The following SAMMSON variants were observed in gnomAD, a reference collection of about 807,000 sequenced individuals.
SAMMSON encodes long intergenic non-protein coding RNA 1212.
intron 4 of SAMMSON, among the ~76,000 whole-genome samples, chr3:70,138,005 C>A (rs986968075): frequency 2.6e-5 from 4 of 152,014 alleles, no homozygotes; most frequent in African/African-American, 9.7e-5. Flanking sequence ...GCATTGGTAT[C>A]CTTATAAATA....
chr3:70,151,752 C>CT (rs1413068249), intron 4 of SAMMSON, among the ~76,000 whole-genome samples: 32 of 151,454 alleles, frequency 2.1e-4, no homozygotes, highest in East Asian at 5.8e-4. Flanking sequence ...GGTTGTTTTT[C>CT]TTTTTTTTGC....
intron 2 of SAMMSON, among the ~76,000 whole-genome samples, chr3:70,403,747 T>C (rs1398468585): frequency 6.6e-6 from 1 of 152,194 alleles, no homozygotes; most frequent in Non-Finnish European, 1.5e-5. Context: ...AATAGGATAC[T>C]AAATGTCCTC....
rs561670767 is a variant in SAMMSON, at chr3:70,313,974, C to T, written n.739+22731C>T. On this transcript the variant is annotated intron_variant and non_coding_transcript_variant, in intron 7 of 9. Coordinates refer to ENST00000642114, the Ensembl canonical transcript of SAMMSON. Reference sequence around the variant, plus strand: ...CCAACCTAATTGCATTGTGGCTGTTCCTTGGAGGGACTTGCTTCTGTTATC... The same window carrying T: ...CCAACCTAATTGCATTGTGGCTGTTTCTTGGAGGGACTTGCTTCTGTTATC... Among the ~76,000 whole-genome samples the T allele has an allele frequency of 4.6e-5, 7 of 152,196 alleles. No individual in the cohort carries two copies. In the South Asian group the frequency reaches 1.5e-3, roughly 32 times the overall value.
At chr3:70,293,870 C>G (rs1702265064) in intron 7 of SAMMSON, among the ~76,000 whole-genome samples, 1 of 151,828 alleles carries the variant, frequency 6.6e-6, no homozygotes, top group Admixed American at 6.6e-5. Flanking sequence ...GTTTCATCAC[C>G]TTGTTTATTT....
chr3:70,322,298 A>G (rs1702543697), intron 7 of SAMMSON, among the ~76,000 whole-genome samples: 1 of 152,134 alleles, frequency 6.6e-6, no homozygotes, highest in African/African-American at 2.4e-5. Flanking sequence ...ACAATATGTC[A>G]GTTAAATTTA....
chr3:70,337,081 A>G (rs937396943), intron 7 of SAMMSON, among the ~76,000 whole-genome samples: 11 of 94,532 alleles, frequency 1.2e-4, no homozygotes, highest in African/African-American at 3.5e-4. Flanking sequence ...CTAACTTAAT[A>G]TTCTTATTAA....
intron 4 of SAMMSON, among the ~76,000 whole-genome samples, chr3:70,198,415 C>A (rs1701202371): frequency 6.6e-6 from 1 of 152,072 alleles, no homozygotes. Context: ...CCAGAAAGCT[C>A]TTTTCTTTCA....
chr3:70,168,706 G>A (rs1445009507), intron 4 of SAMMSON, among the ~76,000 whole-genome samples: 5 of 151,932 alleles, frequency 3.3e-5, no homozygotes, highest in South Asian at 2.1e-4. Context: ...TTAGGCGTAC[G>A]TGGAGTGGAG....
intron 9 of SAMMSON, among the ~76,000 whole-genome samples, chr3:70,369,340 G>A (rs550763636): frequency 6.6e-6 from 1 of 151,594 alleles, no homozygotes; most frequent in Non-Finnish European, 1.5e-5. Flanking sequence ...TTCCCTTCAT[G>A]ACTTTTAATA....
At chr3:70,298,678 C>T (rs1702315564) in intron 7 of SAMMSON, among the ~76,000 whole-genome samples, 1 of 152,016 alleles carries the variant, frequency 6.6e-6, no homozygotes, top group African/African-American at 2.4e-5. Flanking sequence ...AAAAATACCC[C>T]AGCTATATTG....
chr3:70,156,053 A>G (rs528725393), intron 4 of SAMMSON, among the ~76,000 whole-genome samples: 3 of 152,152 alleles, frequency 2.0e-5, no homozygotes, highest in South Asian at 4.2e-4. Context: ...GTTGGAGCCA[A>G]GACTCAAAAC....
chr3:70,251,086 C>T (rs570276685), intron 6 of SAMMSON, among the ~76,000 whole-genome samples: 145 of 152,278 alleles, frequency 9.5e-4, no homozygotes, highest in African/African-American at 3.2e-3. Context: ...AAACCAAACT[C>T]GTAATACCCA....
chr3:70,265,862 A>G (rs1218261115), intron 6 of SAMMSON, among the ~76,000 whole-genome samples: 2 of 152,108 alleles, frequency 1.3e-5, no homozygotes, highest in Non-Finnish European at 2.9e-5. Flanking sequence ...CACTTATAAA[A>G]CCATCAGATC....
intron 9 of SAMMSON, among the ~76,000 whole-genome samples, chr3:70,359,180 GA>G (rs1702852623): frequency 1.3e-5 from 2 of 152,088 alleles, no homozygotes; most frequent in Admixed American, 6.6e-5. Flanking sequence ...TGGAATTCCT[GA>G]AATACACACT....
At chr3:70,424,645 C>T (rs920506960) in intron 2 of SAMMSON, 1 of 152,004 alleles carries the variant, frequency 6.6e-6, no homozygotes, top group South Asian at 2.1e-4. Context: ...CATAAAAGGT[C>T]ATTAAGAATA....
intron 2 of SAMMSON, among the ~76,000 whole-genome samples, chr3:70,413,828 C>T (rs975334003): frequency 1.3e-5 from 2 of 152,032 alleles, no homozygotes; most frequent in African/African-American, 2.4e-5. Flanking sequence ...TAGAGGAAGA[C>T]GATTCAATAA....
chr3:70,244,708 T>C (rs914203403), intron 4 of SAMMSON, among the ~76,000 whole-genome samples: 1 of 152,172 alleles, frequency 6.6e-6, no homozygotes, highest in African/African-American at 2.4e-5. Flanking sequence ...TTATTAACAA[T>C]CACAGGCTGA....
chr3:70,084,950 A>T (rs2067280255), intron 4 of SAMMSON: 1 of 152,234 alleles, frequency 6.6e-6, no homozygotes, highest in Admixed American at 6.5e-5. Context: ...CAAAGTGTAC[A>T]TTAGAATAGC....
chr3:70,327,359 G>T (rs1204764420), intron 7 of SAMMSON, among the ~76,000 whole-genome samples: 1 of 152,150 alleles, frequency 6.6e-6, no homozygotes, highest in Non-Finnish European at 1.5e-5. Flanking sequence ...TGACCCCTGA[G>T]GAAGGAAAAC....
Sources: allele counts gnomAD v4.1 joint callset (sites outside exome capture counted in the v4.1 genomes callset), GRCh38; gene constraint gnomAD v4.1.1; transcripts MANE v1.5; gene names NCBI Gene and HGNC (gene_info 2026-07-23, HGNC 2026-07-21).